The following ELAVL3 variants were observed in gnomAD, a reference collection of about 807,000 sequenced individuals.
ELAVL3 encodes ELAV-like protein 3.
Under a neutral mutation model 34.2 loss-of-function variants are expected in ELAVL3, and 8 were observed. The ratio of observed to expected loss-of-function variants is 0.23; its 90% confidence interval spans 0.14 to 0.42. The LOEUF (loss-of-function observed/expected upper bound fraction) is 0.42, where lower values mean the gene tolerates loss of function less well. Ranked by LOEUF, ELAVL3 falls within the 10% of genes least tolerant of loss-of-function variation. ELAVL3 has a pLI of 1.00. For synonymous variants in ELAVL3, 209 were observed against 222.1 expected, an observed-to-expected ratio of 0.94 and a Z score of 0.53; for missense variants, 273 against 518.8, an observed-to-expected ratio of 0.53 and a Z score of 4.60.
Position 11,480,507 on chromosome 19 carries a change from CT to C in ELAVL3, c.9+92del. On this transcript the variant is annotated intron_variant, in intron 1 of 6. Coordinates refer to ENST00000359227, the MANE Select transcript of ELAVL3 (RefSeq NM_001420.4). This position sits in a 1 kb window ranked among gnomAD's most constrained non-coding sequence, Gnocchi z 6.8. ...AACCCGGGCCTAGCTAGGCCTGGTC[CT>C]ACCCCCCCCGCCGCACCCGCCCAAT... 1 of 1,354,444 alleles carries C rather than the reference CT, an allele frequency of 7.4e-7. No individual in the cohort carries two copies. Among genetic ancestry groups the C allele is most frequent in the Non-Finnish European group, 9.7e-7 (1 of 1,034,088 alleles). The allele number at this position is 1,354,444 out of a possible 1,614,324, so 83.9% of individuals were successfully genotyped here.
chr19:11,465,654 C>G (rs1030059206), intron 3 of ELAVL3, among the ~76,000 whole-genome samples: 8 of 152,262 alleles, frequency 5.3e-5, no homozygotes, highest in African/African-American at 1.7e-4. Context: ...CAAACACCCC[C>G]AGGCGAACCC....
At position 11,480,374 on chromosome 19, in the gene ELAVL3, T is replaced by C. The variant is rs980368913; in HGVS notation, c.9+226A>G. The stretch of plus-strand genomic sequence containing the variant: ...AGGGCGGCGTCGGACGCCTCCCGAA[T>C]CGCAGTCAGTCTCCCTAAGGCCCTC... On this transcript the variant is annotated intron_variant, in intron 1 of 6. Coordinates refer to ENST00000359227, the MANE Select transcript of ELAVL3 (RefSeq NM_001420.4). This position sits in a 1 kb window ranked among gnomAD's most constrained non-coding sequence, Gnocchi z 6.8. The C allele has an allele frequency of 4.7e-6, 2 of 429,954 alleles. No individual in the cohort carries two copies. The highest frequency in any genetic ancestry group is 4.1e-5 in the African/African-American group (2 of 48,894). The allele number at this position is 429,954 out of a possible 1,614,324, so 26.6% of individuals were successfully genotyped here. A position where few individuals can be genotyped will look rare whatever the true frequency, so the allele number is the denominator to read the frequency against.
intron 1 of ELAVL3, among the ~76,000 whole-genome samples, chr19:11,474,071 C>A (rs192063946): frequency 2.0e-5 from 3 of 152,276 alleles, no homozygotes; most frequent in Admixed American, 2.0e-4. Context: ...CTCGCTCTGT[C>A]ACCCAGACTG....
chr19:11,468,760 A>T (rs73512747), intron 1 of ELAVL3, among the ~76,000 whole-genome samples: 1 of 151,906 alleles, frequency 6.6e-6, no homozygotes, highest in Admixed American at 6.6e-5. Flanking sequence ...TGCTTTAAAC[A>T]TTTTGCAGCC....
At chr19:11,463,899 G>A (rs949777146) in intron 3 of ELAVL3, among the ~76,000 whole-genome samples, 1 of 151,700 alleles carries the variant, frequency 6.6e-6, no homozygotes, top group Non-Finnish European at 1.5e-5. Context: ...AGCCTGGGAG[G>A]CGGAGGTTGC....
chr19:11,457,600 G>A (rs1489266060), intron 5 of ELAVL3, among the ~76,000 whole-genome samples: 2 of 152,198 alleles, frequency 1.3e-5, no homozygotes, highest in Admixed American at 1.3e-4. Context: ...CTGGGTTTGA[G>A]TCTCTGCTCT....
intron 1 of ELAVL3, among the ~76,000 whole-genome samples, chr19:11,475,446 A>G (rs1208361505): frequency 1.3e-5 from 2 of 152,110 alleles, no homozygotes; most frequent in Non-Finnish European, 2.9e-5. Context: ...CTAGGACTAC[A>G]AGTGCAATTC....
In ELAVL3 at chr19:11,477,878, C is replaced by T. The variant is rs148355392; in HGVS notation, c.9+2722G>A. On this transcript the variant is annotated intron_variant, in intron 1 of 6. Coordinates refer to ENST00000359227, the MANE Select transcript of ELAVL3 (RefSeq NM_001420.4). The stretch of plus-strand genomic sequence containing the variant: ...TAACTTTTTATATTTGTAGTAGAGA[C>T]GGTGTTTCACCATATTGGCCAGGCT... 2.6e-4 allele frequency among the ~76,000 whole-genome samples: 40 copies of T among 152,044 alleles called. No individual in the cohort carries two copies. The East Asian group carries it at 6.8e-3, about 26-fold the overall frequency.
At chr19:11,465,278 TAC>T (rs139323842) in intron 3 of ELAVL3, among the ~76,000 whole-genome samples, 31,644 of 91,380 alleles carry the variant, frequency 0.35, 3,612 homozygotes, top group African/African-American at 0.48. Context: ...ACCACACACA[TAC>T]ACACACACAC....
Position 11,466,378 on chromosome 19 carries a change from C to T in ELAVL3, c.230-103G>A. ...TGTCCCCTCCCCACCAAGTTTCCAC[C>T]TTCCTGTTTCCAGATGACACCTTCG... On this transcript the variant is annotated intron_variant, in intron 2 of 6. Transcript: ENST00000359227. The surrounding 1 kb of genome is among the most constrained non-coding windows in gnomAD (Gnocchi z 5.0). The T allele has an allele frequency of 1.7e-6, 2 of 1,197,684 alleles. No homozygotes were observed. The highest frequency in any genetic ancestry group is 2.4e-6 in the Non-Finnish European group (2 of 818,008). The allele number at this position is 1,197,684 out of a possible 1,614,324, so 74.2% of individuals were successfully genotyped here.
intron 3 of ELAVL3, among the ~76,000 whole-genome samples, chr19:11,464,149 C>G (rs186783171): frequency 1.0e-5 from 1 of 96,576 alleles, no homozygotes; most frequent in Middle Eastern, 4.2e-3. Flanking sequence ...CTCTCTCTCT[C>G]TCTATATATA....
At position 11,480,479 on chromosome 19, in the gene ELAVL3, C is replaced by G. The variant is rs553231182; in HGVS notation, c.9+121G>C. On this transcript the variant is annotated intron_variant, in intron 1 of 6. Coordinates refer to ENST00000359227, the MANE Select transcript of ELAVL3 (RefSeq NM_001420.4). This position sits in a 1 kb window ranked among gnomAD's most constrained non-coding sequence, Gnocchi z 6.8. ...AGGCCCCGAGGCTTGGTCCTACCCC[C>G]CCAACCCGGGCCTAGCTAGGCCTGG... 2.2e-5 allele frequency: 27 copies of G among 1,211,054 alleles called. No individual in the cohort carries two copies. In the African/African-American group the frequency reaches 3.7e-4, roughly 16 times the overall value. 75.0% of individuals were successfully genotyped at this position (1,211,054 alleles called of 1,614,324 possible).
Position 11,454,850 on chromosome 19 carries a change from C to A in ELAVL3, c.780G>T (p.Ser260=), listed in dbSNP as rs528658221. ...CGCTCATACCATCGATGGCGATCGG[C>A]GAGAACCTGGCGATGAGCGACAGGG... The part of the protein sequence containing the change: ...KSPLSLIARF[S]PIAIDGMSGL... Residue 260 remains serine (S), a synonymous_variant, in exon 7 of 7, where the codon TCG becomes TCT. Transcript: ENST00000359227. The surrounding 1 kb of genome is among the most constrained non-coding windows in gnomAD (Gnocchi z 9.2). The A allele has an allele frequency of 6.2e-7, 1 of 1,603,672 alleles. No individual in the cohort carries two copies. Among genetic ancestry groups the A allele is most frequent in the East Asian group, 2.2e-5 (1 of 44,760 alleles).
chr19:11,470,704 A>C (rs1971146976), intron 1 of ELAVL3, among the ~76,000 whole-genome samples: 1 of 152,082 alleles, frequency 6.6e-6, no homozygotes, highest in African/African-American at 2.4e-5. Flanking sequence ...TTAATTATTA[A>C]ATGGTATAAG....
At position 11,480,477 on chromosome 19, in the gene ELAVL3, C is replaced by A; in HGVS notation, c.9+123G>T. The A allele has an allele frequency of 8.5e-7, 1 of 1,182,202 alleles. No individual in the cohort carries two copies. The allele number at this position is 1,182,202 out of a possible 1,614,324, so 73.2% of individuals were successfully genotyped here. On this transcript the variant is annotated intron_variant, in intron 1 of 6. Transcript: ENST00000359227. This position sits in a 1 kb window ranked among gnomAD's most constrained non-coding sequence, Gnocchi z 6.8. Reference sequence around the variant, plus strand: ...TCAGGCCCCGAGGCTTGGTCCTACCCCCCCAACCCGGGCCTAGCTAGGCCT... The same window carrying A: ...TCAGGCCCCGAGGCTTGGTCCTACCACCCCAACCCGGGCCTAGCTAGGCCT...
intron 1 of ELAVL3, among the ~76,000 whole-genome samples, chr19:11,467,067 T>C (rs1282277252): frequency 6.6e-6 from 1 of 152,162 alleles, no homozygotes; most frequent in Non-Finnish European, 1.5e-5. Flanking sequence ...GACTACTATA[T>C]ACGCAAACAG....
intron 1 of ELAVL3, among the ~76,000 whole-genome samples, chr19:11,471,534 A>T (rs1395460604): frequency 6.6e-6 from 1 of 151,712 alleles, no homozygotes; most frequent in Non-Finnish European, 1.5e-5. Flanking sequence ...AATTCCTTGA[A>T]CCTGGGAGAC....
intron 6 of ELAVL3, among the ~76,000 whole-genome samples, chr19:11,455,149 C>T (rs930038016): frequency 4.6e-5 from 7 of 151,940 alleles, no homozygotes; most frequent in African/African-American, 1.7e-4. Context: ...TAGGCAGGCG[C>T]CCTCACACCC....
At chr19:11,469,110 T>C (rs766798387) in intron 1 of ELAVL3, among the ~76,000 whole-genome samples, 7 of 152,070 alleles carry the variant, frequency 4.6e-5, no homozygotes, top group Non-Finnish European at 8.8e-5. Flanking sequence ...GTATTTTTAG[T>C]AGAGACGGGG....
Sources: gnomAD v4.1 joint callset for allele counts (sites outside exome capture counted in the v4.1 genomes callset) on GRCh38, gnomAD v4.1.1 for gene constraint, Gnocchi (gnomAD v3.1) non-coding constraint, MANE v1.5 for transcripts, NCBI Gene and HGNC (gene_info 2026-07-23, HGNC 2026-07-21) for gene names.